Variants in ROBO2 observed in about 807,000 individuals in gnomAD.
The protein encoded by ROBO2 is roundabout homolog 2.
Under a neutral mutation model 160.8 loss-of-function variants are expected in ROBO2, and 53 were observed. That is an observed-to-expected ratio of 0.33 (90% CI 0.26 to 0.41). The LOEUF (loss-of-function observed/expected upper bound fraction) is 0.41. Ranked by LOEUF, ROBO2 falls within the 10% of genes least tolerant of loss-of-function variation. The pLI is 1.00. For synonymous variants in ROBO2, 664 were observed against 611.7 expected (o/e 1.09, Z -1.26); for missense variants, 1,577 against 1,722.4 (o/e 0.92, Z 1.49).
chr3:77,403,945 T>G (rs1195218375), intron 2 of ROBO2, among the ~76,000 whole-genome samples: 3 of 152,032 alleles, frequency 2.0e-5, no homozygotes, highest in African/African-American at 7.2e-5. Context: ...AAATTGGCAC[T>G]AGGCTCGAAA....
intron 2 of ROBO2, among the ~76,000 whole-genome samples, chr3:76,100,863 G>T (rs991248738): frequency 2.0e-5 from 3 of 152,106 alleles, no homozygotes; most frequent in Admixed American, 6.5e-5. Context: ...ATTTAACATG[G>T]ATTTATTATG....
intron 2 of ROBO2, among the ~76,000 whole-genome samples, chr3:77,400,755 T>C (rs2075723143): frequency 6.6e-6 from 1 of 152,134 alleles, no homozygotes; most frequent in Admixed American, 6.6e-5. Context: ...AATTCTCACA[T>C]CTACTCCATG....
chr3:76,860,224 G>T (rs1381995790), intron 2 of ROBO2, among the ~76,000 whole-genome samples: 1 of 152,094 alleles, frequency 6.6e-6, no homozygotes, highest in Non-Finnish European at 1.5e-5. Context: ...CTATACCCCC[G>T]ACGGCTTTCT....
intron 2 of ROBO2, among the ~76,000 whole-genome samples, chr3:76,408,045 G>C (rs749818200): frequency 6.6e-6 from 1 of 151,974 alleles, no homozygotes; most frequent in Non-Finnish European, 1.5e-5. Flanking sequence ...GGAAGCCAAA[G>C]ATTGAACACC....
intron 2 of ROBO2, among the ~76,000 whole-genome samples, chr3:76,446,546 A>G (rs1179258838): frequency 6.6e-6 from 1 of 152,110 alleles, no homozygotes; most frequent in Non-Finnish European, 1.5e-5. Context: ...ACTACTTTAA[A>G]GTTCACGTGG....
intron 2 of ROBO2, among the ~76,000 whole-genome samples, chr3:76,539,368 A>C (rs1329118221): frequency 6.6e-6 from 1 of 152,056 alleles, no homozygotes; most frequent in Non-Finnish European, 1.5e-5. Flanking sequence ...AAATTAAAAA[A>C]AAAAAAAAGA....
Position 77,574,859 on chromosome 3 carries a change from C to T in ROBO2, c.2203+129C>T, listed in dbSNP as rs939015757. On this transcript the variant is annotated intron_variant, in intron 14 of 25. Transcript: ENST00000461745. ...AAGTAAATTGAGGAAGTGTCGTTTT[C>T]TCCTTTTATTCTGAGAATTCTATAG... The T allele has an allele frequency of 1.8e-5, 13 of 721,528 alleles. No individual in the cohort carries two copies. In the Admixed American group the frequency reaches 2.1e-4, roughly 12 times the overall value. 44.7% of individuals were successfully genotyped at this position (721,528 alleles called of 1,614,324 possible). A position where few individuals can be genotyped will look rare whatever the true frequency, so the allele number is the denominator to read the frequency against.
At chr3:77,369,246 A>G (rs889626300) in intron 2 of ROBO2, among the ~76,000 whole-genome samples, 1 of 152,132 alleles carries the variant, frequency 6.6e-6, no homozygotes, top group Non-Finnish European at 1.5e-5. Context: ...AAGTTGTTCA[A>G]GTGAGGTGCC....
At chr3:76,061,929 A>T (rs2068082697) in intron 2 of ROBO2, among the ~76,000 whole-genome samples, 1 of 152,038 alleles carries the variant, frequency 6.6e-6, no homozygotes, top group South Asian at 2.1e-4. Flanking sequence ...AGCCAGCAAC[A>T]TTGTTCTCTC....
intron 2 of ROBO2, among the ~76,000 whole-genome samples, chr3:76,182,205 T>G: frequency 6.6e-6 from 1 of 152,168 alleles, no homozygotes; most frequent in Non-Finnish European, 1.5e-5. Context: ...CCAGTTTACA[T>G]TGGCCTTTTC....
chr3:76,217,790 G>T (rs139042094), intron 2 of ROBO2, among the ~76,000 whole-genome samples: 7,127 of 152,158 alleles, frequency 0.047, 358 homozygotes, highest in East Asian at 0.22. Flanking sequence ...GAAAAAGAGG[G>T]AATCCTCCCT....
chr3:76,770,761 GA>G (rs1460697712), intron 2 of ROBO2, among the ~76,000 whole-genome samples: 3 of 151,252 alleles, frequency 2.0e-5, no homozygotes, highest in African/African-American at 7.3e-5. Flanking sequence ...CTAAACCAAA[GA>G]AGATGAAAAA....
intron 2 of ROBO2, among the ~76,000 whole-genome samples, chr3:76,283,113 T>C (rs1159784288): frequency 1.5e-5 from 2 of 134,086 alleles, no homozygotes; most frequent in Admixed American, 7.8e-5. Context: ...ATATAATAGT[T>C]ATATATGTAT....
chr3:76,148,498 C>T (rs536494424), intron 2 of ROBO2, among the ~76,000 whole-genome samples: 4 of 152,018 alleles, frequency 2.6e-5, no homozygotes, highest in African/African-American at 4.8e-5. Flanking sequence ...GTCCTCCATT[C>T]GTCTGCTCCC....
intron 2 of ROBO2, among the ~76,000 whole-genome samples, chr3:77,193,448 G>GT (rs552295952): frequency 0.047 from 5,737 of 121,370 alleles, 267 homozygotes; most frequent in African/African-American, 0.12. Context: ...GCCCAGCTAA[G>GT]TTTTTTTTTT....
At chr3:76,127,793 C>T (rs2071049863) in intron 2 of ROBO2, among the ~76,000 whole-genome samples, 1 of 151,584 alleles carries the variant, frequency 6.6e-6, no homozygotes, top group African/African-American at 2.4e-5. Flanking sequence ...AATAAGAAAC[C>T]TGTTTTACAA....
chr3:77,034,071 G>GA (rs142282680), intron 2 of ROBO2, among the ~76,000 whole-genome samples: 49 of 148,154 alleles, frequency 3.3e-4, no homozygotes, highest in East Asian at 3.9e-4. Flanking sequence ...ATTGCTCAGA[G>GA]AAAAAAAAAA....
At chr3:76,744,494 G>C (rs1215281582) in intron 2 of ROBO2, among the ~76,000 whole-genome samples, 1 of 151,930 alleles carries the variant, frequency 6.6e-6, no homozygotes, top group African/African-American at 2.4e-5. Context: ...TGAGTAGCTG[G>C]GGCTACAGGC....
intron 2 of ROBO2, among the ~76,000 whole-genome samples, chr3:76,375,730 CA>C (rs2108511489): frequency 6.6e-6 from 1 of 151,970 alleles, no homozygotes; most frequent in South Asian, 2.1e-4. Context: ...GTGAATGGCA[CA>C]AACCAAAGCA....
Sources: allele counts gnomAD v4.1 joint callset (sites outside exome capture counted in the v4.1 genomes callset), GRCh38; gene constraint gnomAD v4.1.1; transcripts MANE v1.5; gene names NCBI Gene and HGNC (gene_info 2026-07-23, HGNC 2026-07-21).